Variants in LOC128092253 observed in about 807,000 individuals in gnomAD.
At chr6:133,978,527 C>T in the LOC128092253 span, among the ~76,000 whole-genome samples, 1 of 152,162 alleles carries the variant, frequency 6.6e-6, no homozygotes, top group Non-Finnish European at 1.5e-5. Context: ...ATATATCTAT[C>T]CATCAGTTCC....
the LOC128092253 span, among the ~76,000 whole-genome samples, chr6:133,969,251 CT>C: frequency 0.021 from 2,568 of 122,596 alleles, 56 homozygotes; most frequent in African/African-American, 0.055. Flanking sequence ...ATAAAATACA[CT>C]TTTTTTTTTT....
the LOC128092253 span, among the ~76,000 whole-genome samples, chr6:133,973,973 G>GT: frequency 1.6e-5 from 2 of 127,766 alleles, no homozygotes; most frequent in South Asian, 2.4e-4. Flanking sequence ...ATATATATTT[G>GT]TTTTTTTATT....
the LOC128092253 span, among the ~76,000 whole-genome samples, chr6:133,969,375 T>C: frequency 5.3e-5 from 8 of 151,962 alleles, no homozygotes; most frequent in African/African-American, 1.9e-4. Flanking sequence ...CATAATTCAC[T>C]TTGATACAAA....
chr6:133,967,668 T>C, the LOC128092253 span, among the ~76,000 whole-genome samples: 2 of 152,268 alleles, frequency 1.3e-5, no homozygotes, highest in South Asian at 4.1e-4. Flanking sequence ...TAATCATAAG[T>C]ATTTGGGTAT....
the LOC128092253 span, among the ~76,000 whole-genome samples, chr6:133,964,520 G>T: frequency 6.8e-6 from 1 of 146,850 alleles, no homozygotes; most frequent in Non-Finnish European, 1.5e-5. Context: ...GCACCATCTT[G>T]GCTCACTGCA....
chr6:133,974,998 G>A, the LOC128092253 span, among the ~76,000 whole-genome samples: 1 of 152,026 alleles, frequency 6.6e-6, no homozygotes, highest in Non-Finnish European at 1.5e-5. Flanking sequence ...TACAAGAAAA[G>A]ACAGTTAAAA....
At chr6:133,958,389 A>G in the LOC128092253 span, among the ~76,000 whole-genome samples, 1 of 152,230 alleles carries the variant, frequency 6.6e-6, no homozygotes, top group Non-Finnish European at 1.5e-5. Context: ...ATGTTCTAAT[A>G]GTAGCTTTTT....
At chr6:133,957,187 G>A in the LOC128092253 span, among the ~76,000 whole-genome samples, 1 of 152,164 alleles carries the variant, frequency 6.6e-6, no homozygotes, top group African/African-American at 2.4e-5. Flanking sequence ...AACTCAATAG[G>A]GTGATTTCTG....
chr6:133,957,162 A>G, the LOC128092253 span, among the ~76,000 whole-genome samples: 2 of 152,196 alleles, frequency 1.3e-5, no homozygotes, highest in African/African-American at 4.8e-5. Context: ...ATCCCATTAA[A>G]TGTTTTTAAA....
At chr6:133,971,579 GTGTTGTTGT>G in the LOC128092253 span, among the ~76,000 whole-genome samples, 96 of 151,052 alleles carry the variant, frequency 6.4e-4, no homozygotes, top group Non-Finnish European at 1.1e-3. Flanking sequence ...CAATACATAG[GTGTTGTTGT>G]TGTTGTTGTT....
At chr6:133,955,427 T>A in the LOC128092253 span, among the ~76,000 whole-genome samples, 1 of 152,104 alleles carries the variant, frequency 6.6e-6, no homozygotes, top group African/African-American at 2.4e-5. Flanking sequence ...ATCATTTCCG[T>A]TTCTTACAGC....
the LOC128092253 span, among the ~76,000 whole-genome samples, chr6:133,967,591 C>T: frequency 5.9e-5 from 9 of 152,284 alleles, no homozygotes; most frequent in Middle Eastern, 6.8e-3. Context: ...GTAGTATAGC[C>T]TATTGCTTGT....
the LOC128092253 span, among the ~76,000 whole-genome samples, chr6:133,955,713 C>T: frequency 6.6e-6 from 1 of 152,132 alleles, no homozygotes; most frequent in Admixed American, 6.5e-5. Context: ...TAATTGTAGA[C>T]GGTCACTTTT....
chr6:133,968,560 G>A, the LOC128092253 span, among the ~76,000 whole-genome samples: 4 of 152,184 alleles, frequency 2.6e-5, no homozygotes, highest in African/African-American at 7.2e-5. Flanking sequence ...ACAATCATGA[G>A]AGGTAAATGG....
chr6:133,977,817 A>C, the LOC128092253 span, among the ~76,000 whole-genome samples: 1 of 152,194 alleles, frequency 6.6e-6, no homozygotes, highest in Admixed American at 6.5e-5. Context: ...TACCATCCTC[A>C]TCCTCATTGT....
the LOC128092253 span, among the ~76,000 whole-genome samples, chr6:133,958,893 C>T: frequency 6.6e-6 from 1 of 152,160 alleles, no homozygotes; most frequent in African/African-American, 2.4e-5. Context: ...TAAGCTTCCA[C>T]ACACTAAGGA....
chr6:133,960,622 G>T, the LOC128092253 span, among the ~76,000 whole-genome samples: 1 of 152,122 alleles, frequency 6.6e-6, no homozygotes, highest in African/African-American at 2.4e-5. Flanking sequence ...AGTTTCAAAT[G>T]CCTGAAACAA....
the LOC128092253 span, among the ~76,000 whole-genome samples, chr6:133,963,744 G>T: frequency 6.6e-6 from 1 of 151,006 alleles, no homozygotes; most frequent in Admixed American, 6.6e-5. Context: ...TGATCGTTAA[G>T]AACCGGCCTG....
chr6:133,964,307 TAAG>T, the LOC128092253 span, among the ~76,000 whole-genome samples: 1 of 152,296 alleles, frequency 6.6e-6, no homozygotes, highest in Non-Finnish European at 1.5e-5. Context: ...CTGAGTAAAA[TAAG>T]AAATTCCTAA....
Sources: allele counts gnomAD v4.1 joint callset (sites outside exome capture counted in the v4.1 genomes callset), GRCh38; gene constraint gnomAD v4.1.1; transcripts MANE v1.5.